ADGRG4: variants seen among roughly 807,000 people sequenced by gnomAD.
ADGRG4 encodes the protein adhesion G protein-coupled receptor G4, also known as G protein-coupled receptor 112.
A neutral mutation model predicts 126.2 loss-of-function variants in ADGRG4; 122 were observed. That is an observed-to-expected ratio of 0.97 (90% CI 0.83 to 1.12). The LOEUF (loss-of-function observed/expected upper bound fraction) is 1.12, where lower values mean the gene tolerates loss of function less well. Among genes scored for constraint, ADGRG4 ranks in the 50% most tolerant of loss-of-function variants. The pLI, the probability that ADGRG4 is intolerant of heterozygous loss-of-function variation, is 0.00. For missense variants in ADGRG4, 2,481 were observed against 2,251.8 expected (o/e 1.10, Z -2.06); for synonymous variants, 943 against 838.7 (o/e 1.12, Z -2.15).
intron 16 of ADGRG4, among the ~76,000 whole-genome samples, chrX:136,391,295 G>A (rs1197832661): frequency 1.8e-5 from 2 of 111,055 alleles, no homozygotes; most frequent in African/African-American, 6.6e-5. Context: ...CCTCTTGTCT[G>A]GTATCACCAG....
chrX:136,301,319 G>A (rs1409839818), intron 1 of ADGRG4, among the ~76,000 whole-genome samples: 1 of 112,208 alleles, frequency 8.9e-6, no homozygotes, highest in Non-Finnish European at 1.9e-5. Context: ...GTTTTGATTT[G>A]CATTTCTCTG....
Position 136,323,309 on chromosome X carries a change from T to C in ADGRG4, c.602T>C (p.Leu201Ser). 3 of 1,210,061 alleles carry C rather than the reference T, an allele frequency of 2.5e-6. No individual in the cohort carries two copies. Among genetic ancestry groups the C allele is most frequent in the Non-Finnish European group, 3.4e-6 (3 of 894,419 alleles). The change falls in exon 5 of 26, where the codon TTA becomes TCA. Residue 201 changes from leucine to serine, a missense_variant. Leu to Ser is a moderately radical substitution (Grantham distance 145, BLOSUM62 -2). Coordinates refer to ENST00000394143, the MANE Select transcript of ADGRG4 (RefSeq NM_153834.4). Reference sequence around the variant, plus strand: ...GAAAACGAAGAGTTTATGAAGTGTTTAGATGGAAATATAGTTAGTTGGGAA... The same window carrying C: ...GAAAACGAAGAGTTTATGAAGTGTTCAGATGGAAATATAGTTAGTTGGGAA... ...ILENEEFMKCLDGNIVSWEED... is the reference protein window; with the variant it reads ...ILENEEFMKCSDGNIVSWEED...
At chrX:136,368,421 G>A (rs930741355) in intron 13 of ADGRG4, among the ~76,000 whole-genome samples, 3 of 111,796 alleles carry the variant, frequency 2.7e-5, no homozygotes, top group Non-Finnish European at 5.6e-5. Flanking sequence ...AGGGAGAAGC[G>A]GCTTTGCCAA....
chrX:136,377,183 TTTTTTTTTGTTG>T (rs1388960496), intron 15 of ADGRG4, among the ~76,000 whole-genome samples: 4 of 89,342 alleles, frequency 4.5e-5, no homozygotes, highest in African/African-American at 1.9e-4. Context: ...TTTTTTTTTT[TTTTTTTTTGTTG>T]TTGTTGTTGT....
chrX:136,387,858 A>C lies in ADGRG4; in HGVS notation c.7895A>C (p.Gln2632Pro). The C allele has an allele frequency of 8.3e-7, 1 of 1,208,508 alleles. No individual in the cohort carries two copies. Among genetic ancestry groups the C allele is most frequent in the Non-Finnish European group, 1.1e-6 (1 of 893,316 alleles). Residue 2632 changes from glutamine (Q) to proline (P), a missense_variant, in exon 16 of 26, where the codon CAA becomes CCA. Coordinates refer to ENST00000394143, the MANE Select transcript of ADGRG4 (RefSeq NM_153834.4). Reference sequence around the variant, plus strand: ...ACGATCTTGTTTAATTTCTTTGGCCAAACTTCACTCTTTAAGGTAAATTCT... The same window carrying C: ...ACGATCTTGTTTAATTTCTTTGGCCCAACTTCACTCTTTAAGGTAAATTCT... ...LQTILFNFFG[Q>P]TSLFKTKNVT...
At chrX:136,316,560 C>T (rs764310302) in intron 4 of ADGRG4, among the ~76,000 whole-genome samples, 14 of 111,533 alleles carry the variant, frequency 1.3e-4, no homozygotes, top group Non-Finnish European at 2.6e-4. Context: ...CACTGCCTCC[C>T]GGGTTCAAGT....
At chrX:136,398,717 G>A (rs1035298337) in intron 20 of ADGRG4, among the ~76,000 whole-genome samples, 1 of 111,978 alleles carries the variant, frequency 8.9e-6, no homozygotes, top group Non-Finnish European at 1.9e-5. Context: ...AAATTATTCG[G>A]CAATACCTGT....
Position 136,349,455 on chromosome X carries a change from G to A in ADGRG4, c.5749G>A (p.Gly1917Arg). ...AACAGAGACTCTACACCTTGTTCCTGGGCCTTTGTCAACATTCACAGCCTC... is the reference window on the plus strand; with the variant it reads ...AACAGAGACTCTACACCTTGTTCCTAGGCCTTTGTCAACATTCACAGCCTC... ...METETLHLVP[G>R]PLSTFTASQT... The change falls in exon 6 of 26, where the codon GGG becomes AGG. Residue 1917 changes from glycine to arginine, a missense_variant. Transcript: ENST00000394143. The A allele has an allele frequency of 8.3e-7, 1 of 1,207,403 alleles. No homozygotes were observed. Among genetic ancestry groups the A allele is most frequent in the Admixed American group, 2.2e-5 (1 of 45,971 alleles).
In ADGRG4 at chrX:136,344,544, G is replaced by A. The variant is rs372360005; in HGVS notation, c.838G>A (p.Asp280Asn). ...LSQSIPIFAT[D>N]YTTISYSNTT... ...TCAAAGCATACCTATATTTGCAACT[G>A]ATTACACAACCATATCATATTCCAA... The change falls in exon 6 of 26, where the codon GAT becomes AAT. Residue 280 changes from aspartate (D) to asparagine (N), a missense_variant. Coordinates refer to ENST00000394143, the MANE Select transcript of ADGRG4 (RefSeq NM_153834.4). 1 of 1,203,490 alleles carries A rather than the reference G, an allele frequency of 8.3e-7. No individual in the cohort carries two copies. Among genetic ancestry groups the A allele is most frequent in the Non-Finnish European group, 1.1e-6 (1 of 889,691 alleles).
At chrX:136,373,942 G>A (rs904790647) in intron 15 of ADGRG4, among the ~76,000 whole-genome samples, 2 of 111,375 alleles carry the variant, frequency 1.8e-5, no homozygotes, top group African/African-American at 6.5e-5. Flanking sequence ...TCCAGCCTAG[G>A]CAACAGAGCA....
rs1277239799 is a variant in ADGRG4 at position 136,345,228 on chromosome X, A to G, written c.1522A>G (p.Thr508Ala). The change falls in exon 6 of 26, where the codon ACT becomes GCT. Residue 508 changes from threonine (T) to alanine (A), a missense_variant. Thr to Ala is a moderately conservative substitution (Grantham distance 58). Transcript: ENST00000394143. The stretch of plus-strand genomic sequence containing the variant: ...AATAGCATTTACAGTCCATTCATTG[A>G]CTCTCCCAACTAGGCTTATTGAGAC... Reference protein sequence around the residue: ...MKIAFTVHSLTLPTRLIETTP... With the variant: ...MKIAFTVHSLALPTRLIETTP... 1 of 1,210,208 alleles carries G rather than the reference A, an allele frequency of 8.3e-7. No individual in the cohort carries two copies. The highest frequency in any genetic ancestry group is 2.2e-5 in the Admixed American group (1 of 45,861).
rs750607124 is a variant in ADGRG4 at position 136,347,588 on chromosome X, G to A, written c.3882G>A (p.Leu1294=). 7.5e-6 allele frequency: 9 copies of A among 1,205,979 alleles called. No individual in the cohort carries two copies. In the Admixed American group the frequency reaches 1.1e-4, roughly 15 times the overall value. Residue 1294 remains leucine (L), a synonymous_variant, in exon 6 of 26, where the codon TTG becomes TTA. Transcript: ENST00000394143. The stretch of plus-strand genomic sequence containing the variant: ...CATACTCCCGGGGTACTCCATCTTT[G>A]GAAATGACAGATACAGGATTTCCTG... ...FISYSRGTPS[L]EMTDTGFPET...
chrX:136,367,822 C>G (rs2075169165), intron 13 of ADGRG4, among the ~76,000 whole-genome samples: 1 of 112,429 alleles, frequency 8.9e-6, no homozygotes, highest in Non-Finnish European at 1.9e-5. Context: ...AACTCTTCTG[C>G]TCTCTCACTT....
rs779421050 is a variant in ADGRG4 at position 136,356,163 on chromosome X, A to C, written c.6925A>C (p.Ile2309Leu). The change falls in exon 9 of 26, where the codon ATT becomes CTT. Residue 2309 changes from isoleucine to leucine, a missense_variant and splice_region_variant. Transcript: ENST00000394143. ...SEEEMVMDRA[I>L]LEQREGQEMA... ...GGAAGAGATGGTCATGGATCGAGCT[A>C]TTGTAAGTAATTTTTCAAAATGAAT... 2.6e-6 allele frequency: 3 copies of C among 1,164,801 alleles called. No individual in the cohort carries two copies. The African/African-American group carries it at 5.3e-5, about 21-fold the overall frequency.
chrX:136,310,072 G>T (rs1603290300), intron 4 of ADGRG4, among the ~76,000 whole-genome samples: 1 of 111,403 alleles, frequency 9.0e-6, no homozygotes, highest in East Asian at 2.8e-4. Flanking sequence ...AATAAAAAGT[G>T]AAGAGTGTGT....
intron 13 of ADGRG4, among the ~76,000 whole-genome samples, 157 bp from the exon 14 acceptor site, chrX:136,371,171 A>G (rs1774371713): frequency 8.9e-6 from 1 of 112,076 alleles, no homozygotes; most frequent in South Asian, 3.7e-4. Flanking sequence ...GACTACACCT[A>G]TTGTAGAAAC....
At chrX:136,308,253 G>A (rs933200247) in intron 3 of ADGRG4, among the ~76,000 whole-genome samples, 2 of 112,040 alleles carry the variant, frequency 1.8e-5, no homozygotes, top group Admixed American at 1.9e-4. Context: ...ACAGGTGCCC[G>A]CCAGCATGCC....
intron 4 of ADGRG4, among the ~76,000 whole-genome samples, chrX:136,316,711 G>A (rs1358282987): frequency 1.8e-5 from 2 of 111,673 alleles, no homozygotes; most frequent in African/African-American, 6.5e-5. Flanking sequence ...CAGGTGATCC[G>A]CCCGTCTCAG....
Position 136,349,433 on chromosome X carries a change from A to G in ADGRG4, c.5727A>G (p.Thr1909=), listed in dbSNP as rs139201888. Residue 1909 remains threonine, a synonymous_variant, in exon 6 of 26, where the codon ACA becomes ACG. Transcript: ENST00000394143. ...TACCTACATCCAATGAGATGGAAAC[A>G]GAGACTCTACACCTTGTTCCTGGGC... is the stretch of plus-strand genomic sequence containing the variant. ...INVPTSNEME[T]ETLHLVPGPL... The G allele has an allele frequency of 1.0e-5, 12 of 1,203,965 alleles. No individual in the cohort carries two copies. In the African/African-American group the frequency reaches 1.8e-4, roughly 18 times the overall value.
Sources: allele counts gnomAD v4.1 joint callset (sites outside exome capture counted in the v4.1 genomes callset), GRCh38; gene constraint gnomAD v4.1.1; transcripts MANE v1.5; gene names NCBI Gene and HGNC (gene_info 2026-07-23, HGNC 2026-07-21).